Variants in TENM3 observed in about 807,000 individuals in gnomAD.
The protein encoded by TENM3 is teneurin-3.
Under a neutral mutation model 255.1 loss-of-function variants are expected in TENM3, and 63 were observed. The observed-to-expected ratio is 0.25, with a 90% CI of 0.20 to 0.30. TENM3 has a LOEUF of 0.30. TENM3 is among the 10% of genes least tolerant of loss of function. TENM3 has a pLI of 1.00. For missense variants in TENM3, 2,929 were observed against 3,461.1 expected (o/e 0.85, Z 3.86); for synonymous variants, 1,306 against 1,322.3 (o/e 0.99, Z 0.27).
chr4:182,176,235 A>C (rs2149715609), intron 1 of TENM3, among the ~76,000 whole-genome samples: 1 of 152,286 alleles, frequency 6.6e-6, no homozygotes, highest in African/African-American at 2.4e-5. Flanking sequence ...GGCACATTTG[A>C]GGGGCGGAGT....
chr4:181,690,361 C>A, the TENM3 span, among the ~76,000 whole-genome samples: 2 of 152,152 alleles, frequency 1.3e-5, no homozygotes, highest in African/African-American at 4.8e-5. Flanking sequence ...TAAAAAAGCT[C>A]TGTGATTGTG....
chr4:182,696,173 C>A (rs1046028925), intron 12 of TENM3, among the ~76,000 whole-genome samples: 1 of 152,100 alleles, frequency 6.6e-6, no homozygotes, highest in Non-Finnish European at 1.5e-5. Flanking sequence ...AAAAAAAAGT[C>A]TTTCCAAACT....
At chr4:182,116,823 G>A in the TENM3 span, among the ~76,000 whole-genome samples, 2 of 152,130 alleles carry the variant, frequency 1.3e-5, no homozygotes, top group Admixed American at 1.3e-4. Context: ...GGATATATTG[G>A]TTGTTTGCAA....
At chr4:182,056,344 A>T in the TENM3 span, among the ~76,000 whole-genome samples, 1 of 152,274 alleles carries the variant, frequency 6.6e-6, no homozygotes, top group South Asian at 2.1e-4. Context: ...TCCAGTAAGA[A>T]ATACGTTTTA....
chr4:182,371,104 C>G (rs781092396), intron 3 of TENM3, among the ~76,000 whole-genome samples: 4 of 151,884 alleles, frequency 2.6e-5, no homozygotes, highest in Admixed American at 1.3e-4. Context: ...CTAATTAGAC[C>G]AATATTCATT....
At chr4:181,834,386 T>C in the TENM3 span, among the ~76,000 whole-genome samples, 1 of 152,206 alleles carries the variant, frequency 6.6e-6, no homozygotes, top group Non-Finnish European at 1.5e-5. Flanking sequence ...GTCCTGTCAG[T>C]CACAAACCAT....
At chr4:181,999,740 C>G in the TENM3 span, among the ~76,000 whole-genome samples, 5 of 152,042 alleles carry the variant, frequency 3.3e-5, no homozygotes, top group Non-Finnish European at 7.4e-5. Context: ...TCATTCGCAA[C>G]AAAATCTAAT....
the TENM3 span, among the ~76,000 whole-genome samples, chr4:182,041,233 G>A: frequency 6.7e-4 from 102 of 152,182 alleles, no homozygotes; most frequent in Non-Finnish European, 1.1e-3. Flanking sequence ...CTACACATAC[G>A]TTATAGATCT....
the TENM3 span, among the ~76,000 whole-genome samples, chr4:181,746,449 G>C: frequency 1.3e-5 from 2 of 152,072 alleles, no homozygotes; most frequent in Admixed American, 1.3e-4. Flanking sequence ...TGGGGGGTCT[G>C]CAGATGATTA....
At chr4:182,160,945 T>C (rs1208931517) in intron 1 of TENM3, among the ~76,000 whole-genome samples, 2 of 152,226 alleles carry the variant, frequency 1.3e-5, no homozygotes, top group Admixed American at 1.3e-4. Context: ...CCCATAGATA[T>C]ATACACTTGT....
At chr4:182,634,448 A>G (rs1158710019) in intron 5 of TENM3, among the ~76,000 whole-genome samples, 1 of 152,148 alleles carries the variant, frequency 6.6e-6, no homozygotes, top group Non-Finnish European at 1.5e-5. Context: ...TTTAAAAATC[A>G]AATGTACATA....
At chr4:181,710,326 G>A in the TENM3 span, among the ~76,000 whole-genome samples, 44 of 152,142 alleles carry the variant, frequency 2.9e-4, no homozygotes, top group African/African-American at 9.9e-4. Context: ...GGAGAGAGTG[G>A]GTAAACTTAA....
At chr4:181,983,154 A>T in the TENM3 span, among the ~76,000 whole-genome samples, 2 of 152,176 alleles carry the variant, frequency 1.3e-5, no homozygotes, top group Non-Finnish European at 2.9e-5. Context: ...GCCAGAATGC[A>T]GCAGTACGTG....
chr4:182,669,302 C>T (rs934051742), intron 6 of TENM3, among the ~76,000 whole-genome samples: 3 of 151,902 alleles, frequency 2.0e-5, no homozygotes, highest in African/African-American at 7.3e-5. Context: ...TGGAGTCTCA[C>T]TCTGTTGCCC....
At chr4:182,121,836 TGATTACGTCTTCCTTTCACAA>T in the TENM3 span, among the ~76,000 whole-genome samples, 1 of 152,214 alleles carries the variant, frequency 6.6e-6, no homozygotes, top group Non-Finnish European at 1.5e-5. Context: ...GTTGCCCCAT[TGATTACGTCTTCCTTTCACAA>T]GAGATTTCTC....
the TENM3 span, among the ~76,000 whole-genome samples, chr4:181,887,205 G>A: frequency 6.6e-6 from 1 of 151,474 alleles, no homozygotes; most frequent in Non-Finnish European, 1.5e-5. Context: ...TTCAGTTACT[G>A]GTCGGGTCTT....
At chr4:181,859,242 CAA>C in the TENM3 span, among the ~76,000 whole-genome samples, 177 of 84,102 alleles carry the variant, frequency 2.1e-3, no homozygotes, top group African/African-American at 3.2e-3. Flanking sequence ...GACTCGGTCT[CAA>C]AAAAAAAAAA....
the TENM3 span, among the ~76,000 whole-genome samples, chr4:181,537,757 G>C: frequency 6.6e-6 from 1 of 152,154 alleles, no homozygotes; most frequent in Non-Finnish European, 1.5e-5. Context: ...AAGAAAATCT[G>C]CTTTCCACCA....
the TENM3 span, among the ~76,000 whole-genome samples, chr4:181,489,780 T>C: frequency 6.6e-6 from 1 of 152,178 alleles, no homozygotes; most frequent in South Asian, 2.1e-4. Flanking sequence ...AAAGTAAAGC[T>C]CATGGAAAAT....
Sources: gnomAD v4.1 joint callset for allele counts (sites outside exome capture counted in the v4.1 genomes callset) on GRCh38, gnomAD v4.1.1 for gene constraint, MANE v1.5 for transcripts, NCBI Gene and HGNC (gene_info 2026-07-23, HGNC 2026-07-21) for gene names.